TBX5: variants seen among roughly 807,000 people sequenced by gnomAD.
TBX5 encodes the protein T-box transcription factor TBX5.
TBX5 carries 8 observed loss-of-function variants against 51.1 expected under a neutral mutation model. The observed-to-expected ratio is 0.16, with a 90% CI of 0.09 to 0.28. The LOEUF (loss-of-function observed/expected upper bound fraction) is 0.28. TBX5 is among the 10% of genes least tolerant of loss of function. The pLI, the probability that TBX5 is intolerant of heterozygous loss-of-function variation, is 1.00. For missense variants in TBX5, 589 were observed against 671.7 expected (o/e 0.88, Z 1.36); for synonymous variants, 302 against 266.4 (o/e 1.13, Z -1.30).
chr12:114,399,452 C>T, intron 4 of TBX5, 61 bp downstream of exon 4: 3 of 1,598,414 alleles, frequency 1.9e-6, no homozygotes, highest in Non-Finnish European at 1.7e-6. Flanking sequence ...AACTTTTCAA[C>T]TTTTTGGGAG....
chr12:114,387,320 T>C (rs992481115), intron 6 of TBX5, among the ~76,000 whole-genome samples: 2 of 152,228 alleles, frequency 1.3e-5, no homozygotes, highest in African/African-American at 2.4e-5. Context: ...AGATGACCTA[T>C]GAGGTTTACC....
chr12:114,371,569 G>A (rs1482516234), intron 7 of TBX5, among the ~76,000 whole-genome samples: 1 of 150,828 alleles, frequency 6.6e-6, no homozygotes, highest in African/African-American at 2.4e-5. Flanking sequence ...GGGGGCGCTG[G>A]CATGTTCAGA....
intron 7 of TBX5, among the ~76,000 whole-genome samples, chr12:114,382,231 C>G (rs1301845864): frequency 6.6e-6 from 1 of 152,126 alleles, no homozygotes; most frequent in African/African-American, 2.4e-5. Context: ...AGAAGACCAC[C>G]TGAGCCTGGA....
chr12:114,361,029 T>C (rs1002552798), intron 8 of TBX5, among the ~76,000 whole-genome samples: 4 of 152,190 alleles, frequency 2.6e-5, no homozygotes, highest in Admixed American at 2.6e-4. Context: ...TTTTCCACCA[T>C]GTCCTCCACT....
At chr12:114,386,561 A>G (rs1870826464) in intron 6 of TBX5, among the ~76,000 whole-genome samples, 1 of 152,230 alleles carries the variant, frequency 6.6e-6, no homozygotes, top group Admixed American at 6.5e-5. Context: ...AAATCAAACC[A>G]CTTTTAATTT....
chr12:114,373,622 C>G (rs1870038700), intron 7 of TBX5, among the ~76,000 whole-genome samples: 1 of 152,140 alleles, frequency 6.6e-6, no homozygotes, highest in African/African-American at 2.4e-5. Flanking sequence ...TCATGCCCAG[C>G]TAATTTTTGT....
chr12:114,375,972 G>A (rs1419383944), intron 7 of TBX5, among the ~76,000 whole-genome samples: 2 of 152,098 alleles, frequency 1.3e-5, no homozygotes, highest in Admixed American at 1.3e-4. Context: ...TTGAACCCAG[G>A]AAGTGGAAGC....
At position 114,354,152 on chromosome 12, in the gene TBX5, A is replaced by G. The variant is rs895789702; in HGVS notation, c.*1380T>C. The G allele has an allele frequency of 4.6e-5, 7 of 152,666 alleles. No individual in the cohort carries two copies. Among genetic ancestry groups the G allele is most frequent in the Admixed American group, 2.6e-4 (4 of 15,288 alleles). The allele number at this position is 152,666 out of a possible 1,614,324, so 9.5% of individuals were successfully genotyped here. On this transcript the variant is annotated 3_prime_UTR_variant, in exon 9 of 9. Coordinates refer to ENST00000405440, the MANE Select transcript of TBX5 (RefSeq NM_181486.4). ...GGGTCTGTTTATAAAAAAGGAAAAAAAAAATTCTTTTTAATCAAAAAAAGC... is the reference window on the plus strand; with the variant it reads ...GGGTCTGTTTATAAAAAAGGAAAAAGAAAATTCTTTTTAATCAAAAAAAGC...
intron 7 of TBX5, among the ~76,000 whole-genome samples, chr12:114,373,164 G>C (rs76096552): frequency 0.013 from 1,926 of 152,240 alleles, 40 homozygotes; most frequent in African/African-American, 0.043. Flanking sequence ...ACTTTTTCTA[G>C]GAAGAGGTTC....
chr12:114,384,340 A>G (rs1363080025), intron 7 of TBX5, among the ~76,000 whole-genome samples: 1 of 151,726 alleles, frequency 6.6e-6, no homozygotes, highest in Admixed American at 6.6e-5. Flanking sequence ...CAGTAGTGTG[A>G]TCATAGCTCA....
chr12:114,370,161 G>T (rs1869775744), intron 7 of TBX5, among the ~76,000 whole-genome samples: 1 of 151,616 alleles, frequency 6.6e-6, no homozygotes, highest in African/African-American at 2.4e-5. Flanking sequence ...AACCTGGGAG[G>T]TGGAGGTTGC....
intron 7 of TBX5, among the ~76,000 whole-genome samples, chr12:114,378,440 G>A (rs544833647): frequency 6.6e-6 from 1 of 152,292 alleles, no homozygotes; most frequent in South Asian, 2.1e-4. Context: ...CTGGCATCTG[G>A]CTTCAACAGA....
chr12:114,390,459 G>A (rs1440652642), intron 6 of TBX5, among the ~76,000 whole-genome samples: 2 of 152,222 alleles, frequency 1.3e-5, no homozygotes, highest in African/African-American at 4.8e-5. Flanking sequence ...GGGAGTGGGG[G>A]AAAAACAAAC....
chr12:114,381,233 C>T (rs901946508), intron 7 of TBX5, among the ~76,000 whole-genome samples: 4 of 152,188 alleles, frequency 2.6e-5, no homozygotes, highest in Admixed American at 2.0e-4. Flanking sequence ...ATGCTTAACT[C>T]TCTGTAATCC....
chr12:114,401,995 A>C, intron 2 of TBX5, 75 bp from the exon 3 acceptor site: 6 of 1,258,524 alleles, frequency 4.8e-6, no homozygotes, highest in Non-Finnish European at 6.9e-6. Context: ...CTCCCCCAAA[A>C]CACAGAGACT....
chr12:114,382,268 C>T (rs536263500), intron 7 of TBX5, among the ~76,000 whole-genome samples: 6 of 152,072 alleles, frequency 3.9e-5, no homozygotes, highest in South Asian at 2.1e-4. Context: ...GAGTCATGAT[C>T]GCACCACTGC....
chr12:114,376,139 A>G (rs1870171926), intron 7 of TBX5, among the ~76,000 whole-genome samples: 1 of 151,078 alleles, frequency 6.6e-6, no homozygotes, highest in East Asian at 2.0e-4. Context: ...CCCAAAGGAA[A>G]TGAAATCAGT....
At chr12:114,400,904 G>A (rs1871770684) in intron 3 of TBX5, among the ~76,000 whole-genome samples, 1 of 152,186 alleles carries the variant, frequency 6.6e-6, no homozygotes, top group South Asian at 2.1e-4. Flanking sequence ...CGGGGGCGGG[G>A]GGCGTCTGGA....
In TBX5 at chr12:114,355,973, C is replaced by T. The variant is rs763827720; in HGVS notation, c.1116G>A (p.Ser372=). 2.7e-5 allele frequency: 44 copies of T among 1,613,918 alleles called. No individual in the cohort carries two copies. The highest frequency in any genetic ancestry group is 2.3e-4 in the African/African-American group (17 of 74,914). ...CATACATGCAAGCTTGCCGCTGTGC[C>T]GACTCTGTCCTGTAGGAGGCACCCA... ...QGLGASYRTE[S]AQRQACMYAS... The change falls in exon 9 of 9, where the codon TCG becomes TCA. Residue 372 remains serine, a synonymous_variant. Coordinates refer to ENST00000405440, the MANE Select transcript of TBX5 (RefSeq NM_181486.4).
Sources: allele counts gnomAD v4.1 joint callset (sites outside exome capture counted in the v4.1 genomes callset), GRCh38; gene constraint gnomAD v4.1.1; transcripts MANE v1.5; gene names NCBI Gene and HGNC (gene_info 2026-07-23, HGNC 2026-07-21).